FANCI: variants seen among roughly 807,000 people sequenced by gnomAD.
The protein encoded by FANCI is FA complementation group I, also known as Fanconi anemia group I protein.
Under a neutral mutation model 176.1 loss-of-function variants are expected in FANCI, and 156 were observed. That is an observed-to-expected ratio of 0.89 (90% CI 0.78 to 1.01). FANCI has a LOEUF of 1.01. FANCI is among the 50% of genes least tolerant of loss of function. The pLI is 0.00. For missense variants in FANCI, 1,678 were observed against 1,534.1 expected (o/e 1.09, Z -1.57); for synonymous variants, 613 against 541.7 (o/e 1.13, Z -1.83).
intron 24 of FANCI, among the ~76,000 whole-genome samples, chr15:89,296,687 C>G (rs530540274): frequency 6.6e-6 from 1 of 152,218 alleles, no homozygotes; most frequent in African/African-American, 2.4e-5. Flanking sequence ...GTCATCGTGG[C>G]CCGTTCTCAA....
In FANCI at chr15:89,293,970, TG is replaced by T; in HGVS notation, c.2430del (p.Ser811ProfsTer33). ...GATAGTCTTTTGTCCATGAAATTTG[TG>T]TCCAGTCTTCTCACTGCTCTTTTCA... ...TSDSLLSMKFVSSLLTALFRD... is the reference protein window; with the variant it reads ...TSDSLLSMKFXSSLLTALFRD... On this transcript the variant is annotated frameshift_variant, in exon 23 of 38. Transcript: ENST00000310775. LOFTEE classifies it high-confidence loss of function. 6.2e-7 allele frequency: 1 copy of T among 1,614,192 alleles called. No homozygotes were observed. The highest frequency in any genetic ancestry group is 8.5e-7 in the Non-Finnish European group (1 of 1,180,028).
intron 2 of FANCI, among the ~76,000 whole-genome samples, chr15:89,249,171 A>T (rs1455205916): frequency 1.3e-5 from 2 of 152,194 alleles, no homozygotes; most frequent in African/African-American, 2.4e-5. Flanking sequence ...TAATATATGC[A>T]GGCAGTTCAT....
rs528104274 is a variant in FANCI at position 89,244,854 on chromosome 15, A to G, written c.-20+821A>G. ...CCTACCTAGTAGGTGGTGTTGTGGGAGTCATGTTAATGAATGTAAAGTGCT... is the reference window on the plus strand; with the variant it reads ...CCTACCTAGTAGGTGGTGTTGTGGGGGTCATGTTAATGAATGTAAAGTGCT... On this transcript the variant is annotated intron_variant, in intron 1 of 37. Transcript: ENST00000310775. Among the ~76,000 whole-genome samples the G allele has an allele frequency of 2.6e-5, 4 of 152,252 alleles. No homozygotes were observed. The South Asian group carries it at 8.3e-4, about 32-fold the overall frequency.
At chr15:89,251,723 A>C (rs994964114) in intron 2 of FANCI, among the ~76,000 whole-genome samples, 14 of 152,232 alleles carry the variant, frequency 9.2e-5, no homozygotes, top group Non-Finnish European at 1.8e-4. Flanking sequence ...TATTACTATA[A>C]AGATTATACG....
intron 6 of FANCI, 105 bp downstream of exon 6, chr15:89,261,983 T>G: frequency 1.0e-6 from 1 of 1,002,744 alleles, no homozygotes; most frequent in South Asian, 1.4e-5. Context: ...CCTTCTTTTT[T>G]GTTGTTTTTA....
At position 89,258,709 on chromosome 15, in the gene FANCI, T is replaced by G. The variant is rs1174054588; in HGVS notation, c.90T>G (p.Thr30=). 1 of 1,613,090 alleles carries G rather than the reference T, an allele frequency of 6.2e-7. No homozygotes were observed. The highest frequency in any genetic ancestry group is 1.7e-5 in the Admixed American group (1 of 60,018). ...FLQTLREGDL[T]NLLQNQAVKG... ...ACCTTTTTCTTTCTTTGCAGTTGAC[T>G]AATCTCCTTCAGAATCAAGCAGTGA... is the stretch of plus-strand genomic sequence containing the variant. The change falls in exon 3 of 38, where the codon ACT becomes ACG. Residue 30 remains threonine (T), a synonymous_variant. Coordinates refer to ENST00000310775, the MANE Select transcript of FANCI (RefSeq NM_001113378.2).
At chr15:89,297,729 AGG>A (rs1187907478) in intron 24 of FANCI, among the ~76,000 whole-genome samples, 67 of 115,776 alleles carry the variant, frequency 5.8e-4, no homozygotes, top group African/African-American at 2.2e-3. Flanking sequence ...TCGGCATCAG[AGG>A]GAGACCGTGG....
Position 89,290,201 on chromosome 15 carries a change from G to T in FANCI, c.1822-12G>T. On this transcript the variant is annotated splice_polypyrimidine_tract_variant and intron_variant, in intron 18 of 37. Coordinates refer to ENST00000310775, the MANE Select transcript of FANCI (RefSeq NM_001113378.2). ...GTTAAAGTGCTTATTTCTTCTCTTT[G>T]ATTCCTCTTAGGGGTTTTATGATGT... 1 of 1,609,334 alleles carries T rather than the reference G, an allele frequency of 6.2e-7. No homozygotes were observed. Among genetic ancestry groups the T allele is most frequent in the Non-Finnish European group, 8.5e-7 (1 of 1,175,680 alleles).
chr15:89,299,782 C>CTA lies in FANCI; in HGVS notation c.2637-18_2637-17insTA. 4 of 1,611,434 alleles carry CTA rather than the reference C, an allele frequency of 2.5e-6. No individual in the cohort carries two copies. Among genetic ancestry groups the CTA allele is most frequent in the Non-Finnish European group, 3.4e-6 (4 of 1,178,872 alleles). On this transcript the variant is annotated splice_polypyrimidine_tract_variant and intron_variant, in intron 24 of 37. Transcript: ENST00000310775. ...GTGAACCTGTCTTTAAAAACAATACCACTTTCTCCTGCTTCAGAGTCTTGC... is the reference window on the plus strand; with the variant it reads ...GTGAACCTGTCTTTAAAAACAATACCTAACTTTCTCCTGCTTCAGAGTCTTGC...
chr15:89,314,302 G>A (rs2055108613), intron 35 of FANCI, among the ~76,000 whole-genome samples: 1 of 152,170 alleles, frequency 6.6e-6, no homozygotes, highest in Non-Finnish European at 1.5e-5. Context: ...GGCCAAAATA[G>A]GCTTAAGAAT....
chr15:89,277,197 C>G (rs2053441007), intron 13 of FANCI, among the ~76,000 whole-genome samples: 2 of 152,100 alleles, frequency 1.3e-5, no homozygotes, highest in African/African-American at 4.8e-5. Context: ...TAAACCATTT[C>G]TAGTTTTTGT....
Position 89,291,516 on chromosome 15 carries a change from G to C in FANCI, c.1891-97G>C, listed in dbSNP as rs2054068730. ...TTGAACAGTTGGGAAATGTGTGTTAGAAGGCATTAGACATTAAAGATACCT... is the reference window on the plus strand; with the variant it reads ...TTGAACAGTTGGGAAATGTGTGTTACAAGGCATTAGACATTAAAGATACCT... On this transcript the variant is annotated intron_variant, in intron 19 of 37. Coordinates refer to ENST00000310775, the MANE Select transcript of FANCI (RefSeq NM_001113378.2). 3 of 934,514 alleles carry C rather than the reference G, an allele frequency of 3.2e-6. No individual in the cohort carries two copies. In the East Asian group the frequency reaches 7.3e-5, roughly 23 times the overall value. The allele number at this position is 934,514 out of a possible 1,614,324, so 57.9% of individuals were successfully genotyped here.
intron 2 of FANCI, among the ~76,000 whole-genome samples, chr15:89,254,832 A>G (rs944930632): frequency 6.6e-6 from 1 of 152,174 alleles, no homozygotes; most frequent in African/African-American, 2.4e-5. Context: ...AAGTAAGTAA[A>G]TGAATACATG....
intron 26 of FANCI, 52 bp downstream of exon 26, chr15:89,300,437 A>G (rs1180949415): frequency 6.5e-7 from 1 of 1,528,550 alleles, no homozygotes; most frequent in African/African-American, 1.4e-5. Flanking sequence ...TTGCAAAGGA[A>G]CTGTTAGCAG....
intron 2 of FANCI, among the ~76,000 whole-genome samples, chr15:89,256,498 C>G (rs947098260): frequency 6.6e-6 from 1 of 152,212 alleles, no homozygotes; most frequent in African/African-American, 2.4e-5. Flanking sequence ...TTTTATTAGT[C>G]TTGGCTTCTG....
chr15:89,315,463 G>C, intron 37 of FANCI, 74 bp downstream of exon 37: 1 of 1,024,368 alleles, frequency 9.8e-7, no homozygotes, highest in Non-Finnish European at 1.5e-6. Context: ...AGCAGTCACA[G>C]ATTAGTGGAA....
In FANCI at chr15:89,267,332, ATTT is replaced by A. The variant is rs1159827768; in HGVS notation, c.756-1052_756-1050del. Among the ~76,000 whole-genome samples the A allele has an allele frequency of 3.3e-3, 316 of 94,784 alleles. 5 individuals carry two copies. Among genetic ancestry groups the A allele is most frequent in the East Asian group, 0.022 (68 of 3,044 alleles). The allele number at this position is 94,784 out of a possible 152,430, so 62.2% of individuals were successfully genotyped here. A position where few individuals can be genotyped will look rare whatever the true frequency, so the allele number is the denominator to read the frequency against. Reference sequence around the variant, plus strand: ...TGAATCCTTGTCTCAAAAAAAAAAAATTTTTTTTTTTTTTTTTGAGAAGAGGCC... The same window carrying A: ...TGAATCCTTGTCTCAAAAAAAAAAAATTTTTTTTTTTTTTGAGAAGAGGCC... On this transcript the variant is annotated intron_variant, in intron 9 of 37. Coordinates refer to ENST00000310775, the MANE Select transcript of FANCI (RefSeq NM_001113378.2).
intron 18 of FANCI, among the ~76,000 whole-genome samples, chr15:89,286,902 G>A (rs568979012): frequency 3.3e-5 from 5 of 149,980 alleles, no homozygotes; most frequent in Admixed American, 6.6e-5. Context: ...TAACCACCTC[G>A]ATCAATTATG....
chr15:89,262,083 T>C lies in FANCI; in HGVS notation c.503+205T>C, dbSNP rs776675574. Among the ~76,000 whole-genome samples the C allele has an allele frequency of 7.9e-5, 12 of 152,302 alleles. 1 individual carries two copies. The highest frequency in any genetic ancestry group is 6.8e-3 in the Middle Eastern group (2 of 294). On this transcript the variant is annotated intron_variant, in intron 6 of 37. Transcript: ENST00000310775. ...CTGTCCTCTAAGACTGTTCATATAG[T>C]TTTATTTGCTTGACTGTATCTTCTT...
Sources: gnomAD v4.1 joint callset for allele counts (sites outside exome capture counted in the v4.1 genomes callset) on GRCh38, gnomAD v4.1.1 for gene constraint, MANE v1.5 for transcripts, NCBI Gene and HGNC (gene_info 2026-07-23, HGNC 2026-07-21) for gene names.